Variants in NRAP observed in about 807,000 individuals in gnomAD.
NRAP encodes the protein nebulin related anchoring protein, also known as nebulin-related-anchoring protein.
In NRAP, 189 loss-of-function variants were observed where a neutral mutation model predicts 225.9. The ratio of observed to expected loss-of-function variants is 0.84; its 90% CI spans 0.74 to 0.94. The LOEUF (loss-of-function observed/expected upper bound fraction) is 0.94, where lower values mean the gene tolerates loss of function less well. NRAP is among the 40% of genes least tolerant of loss of function. The pLI is 0.00. For missense variants in NRAP, 2,176 were observed against 2,168.7 expected (o/e 1.00, Z -0.07); for synonymous variants, 769 against 790.7 (o/e 0.97, Z 0.46).
chr10:113,633,732 GTT>G lies in NRAP; in HGVS notation c.1527+378_1527+379del, dbSNP rs201928371. On this transcript the variant is annotated intron_variant, in intron 15 of 41. Transcript: ENST00000359988. ...TGATATGTTAAAATTATATAAACAT[GTT>G]TTTTCTTTTTTACCTTTTAGAGATT... Among the ~76,000 whole-genome samples the G allele has an allele frequency of 5.2e-3, 785 of 152,194 alleles. 7 individuals are homozygous for G. The highest frequency in any genetic ancestry group is 0.017 in the African/African-American group (717 of 41,538).
At position 113,642,959 on chromosome 10, in the gene NRAP, C is replaced by T; in HGVS notation, c.1190G>A (p.Ser397Asn). 6.2e-7 allele frequency: 1 copy of T among 1,603,498 alleles called. No individual in the cohort carries two copies. Among genetic ancestry groups the T allele is most frequent in the Non-Finnish European group, 8.5e-7 (1 of 1,170,280 alleles). The change falls in exon 12 of 42, where the codon AGC (serine) becomes AAC (asparagine). Residue 397 changes from serine to asparagine, a missense_variant. Ser to Asn is a conservative substitution (Grantham distance 46, BLOSUM62 1). Coordinates refer to ENST00000359988, the MANE Select transcript of NRAP (RefSeq NM_198060.4). Reference protein sequence around the residue: ...YCETPQFRNVSKISKFTSDNK... With the variant: ...YCETPQFRNVNKISKFTSDNK... ...ATCACTGGTAAATTTTGAGATCTTG[C>T]TCACGTTCCTGAATTGAGGTGTTTC...
chr10:113,652,595 GAATAAAAATAAAAATAA>G (rs1339424535), intron 6 of NRAP, among the ~76,000 whole-genome samples: 13 of 145,486 alleles, frequency 8.9e-5, no homozygotes, highest in African/African-American at 1.3e-4. Context: ...AGTGAGCCAA[GAATAAAAATAAAAATAA>G]AATAAAAATA....
At chr10:113,607,657 A>C (rs1423021718) in intron 32 of NRAP, among the ~76,000 whole-genome samples, 1 of 152,064 alleles carries the variant, frequency 6.6e-6, no homozygotes, top group Non-Finnish European at 1.5e-5. Flanking sequence ...TTTTCAGTTG[A>C]AGCAAGTAGG....
intron 9 of NRAP, among the ~76,000 whole-genome samples, chr10:113,648,467 C>CTCTCTCTCTCTCTCTATATA (rs749486311): frequency 8.0e-5 from 7 of 87,360 alleles, no homozygotes; most frequent in African/African-American, 2.7e-4. Flanking sequence ...CTCTCTCTCT[C>CTCTCTCTCTCTCTCTATATA]TATATATATA....
intron 35 of NRAP, among the ~76,000 whole-genome samples, chr10:113,599,818 G>T (rs1412868734): frequency 2.0e-5 from 3 of 152,178 alleles, no homozygotes; most frequent in Non-Finnish European, 2.9e-5. Context: ...TTTCAAAGCT[G>T]CACAGCTGAA....
intron 28 of NRAP, 39 bp from the exon 29 acceptor site, chr10:113,614,335 G>T: frequency 7.5e-7 from 1 of 1,338,124 alleles, no homozygotes; most frequent in Non-Finnish European, 1.1e-6. Context: ...ACAGCTCAGG[G>T]ATAAGGGACA....
chr10:113,612,651 T>C (rs551724445), intron 29 of NRAP, among the ~76,000 whole-genome samples: 67 of 152,290 alleles, frequency 4.4e-4, no homozygotes, highest in African/African-American at 1.6e-3. Context: ...TTGATCTGGA[T>C]GAAGAAGGCC....
chr10:113,590,333 G>A (rs894155717), intron 40 of NRAP, among the ~76,000 whole-genome samples: 9 of 152,174 alleles, frequency 5.9e-5, no homozygotes, highest in African/African-American at 2.2e-4. Flanking sequence ...AGCAGCCCTG[G>A]GGTTGGCATA....
At chr10:113,632,059 T>C (rs1848612225) in intron 16 of NRAP, 95 bp from the exon 17 acceptor site, 2 of 767,926 alleles carry the variant, frequency 2.6e-6, no homozygotes, top group Non-Finnish European at 4.7e-6. Flanking sequence ...TTTTCCTCTA[T>C]TTACAGACCA....
chr10:113,640,988 C>T (rs1441162243), intron 13 of NRAP, among the ~76,000 whole-genome samples: 1 of 152,156 alleles, frequency 6.6e-6, no homozygotes, highest in Non-Finnish European at 1.5e-5. Flanking sequence ...AACCAGCTTA[C>T]CAACCAACCA....
intron 13 of NRAP, 90 bp downstream of exon 13, chr10:113,641,275 T>A: frequency 1.3e-6 from 1 of 783,340 alleles, no homozygotes; most frequent in African/African-American, 1.7e-5. Context: ...AAGACAGATT[T>A]TTTTTTAAGG....
intron 13 of NRAP, 57 bp from the exon 14 acceptor site, chr10:113,640,388 T>C (rs1187521272): frequency 1.0e-6 from 1 of 967,686 alleles, no homozygotes; most frequent in East Asian, 2.7e-5. Context: ...TTCTTTTGGC[T>C]TTGTTTGAAT....
Position 113,590,603 on chromosome 10 carries a change from T to G in NRAP, c.4931A>C (p.Gln1644Pro). 2 of 1,612,716 alleles carry G rather than the reference T, an allele frequency of 1.2e-6. No individual in the cohort carries two copies. ...DPEQLGLRHAQKAHQLQSDVK... is the reference protein window; with the variant it reads ...DPEQLGLRHAPKAHQLQSDVK... ...ATCACTCTGCAGCTGGTGGGCCTTC[T>G]GAGCATGCCTGAGGCCCAGCTGCTC... The change falls in exon 40 of 42, where the codon CAG (glutamine) becomes CCG (proline). Residue 1644 changes from glutamine to proline, a missense_variant. Physicochemically the swap from Gln to Pro is moderately conservative, Grantham distance 76. This residue lies in a region of NRAP where 445 missense variants were observed against 426.1 expected (regional missense o/e 1.04). Coordinates refer to ENST00000359988, the MANE Select transcript of NRAP (RefSeq NM_198060.4).
chr10:113,654,600 G>A (rs1221135933), intron 4 of NRAP, among the ~76,000 whole-genome samples: 1 of 151,154 alleles, frequency 6.6e-6, no homozygotes, highest in Admixed American at 6.6e-5. Flanking sequence ...GAAATAAATA[G>A]CAATTAGAAA....
In NRAP at chr10:113,623,635, T is replaced by G; in HGVS notation, c.2351A>C (p.Lys784Thr). 6.2e-7 allele frequency: 1 copy of G among 1,609,288 alleles called. No individual in the cohort carries two copies. The highest frequency in any genetic ancestry group is 8.5e-7 in the Non-Finnish European group (1 of 1,175,760). Reference protein sequence around the residue: ...ARANAANLSEKLYKSSWENQK... With the variant: ...ARANAANLSETLYKSSWENQK... The stretch of plus-strand genomic sequence containing the variant: ...GTTTTCCCAGCTGCTCTTATACAGT[T>G]TCTAAGGGGATTTAGGAGAGAAGGT... The change falls in exon 23 of 42, where the codon AAA becomes ACA. Residue 784 changes from lysine to threonine, a missense_variant and splice_region_variant. Lys to Thr is a moderately conservative substitution (Grantham distance 78). Around this residue, in one of 3 missense-constraint regions of NRAP, gnomAD observed 1,708 missense variants for 1,695.5 expected, o/e 1.01. Coordinates refer to ENST00000359988, the MANE Select transcript of NRAP (RefSeq NM_198060.4).
chr10:113,598,092 T>G lies in NRAP; in HGVS notation c.4228-19A>C, dbSNP rs1216377251. The G allele has an allele frequency of 6.5e-7, 1 of 1,530,292 alleles. No homozygotes were observed. The highest frequency in any genetic ancestry group is 9.1e-7 in the Non-Finnish European group (1 of 1,103,634). The allele number at this position is 1,530,292 out of a possible 1,614,324, so 94.8% of individuals were successfully genotyped here. A position where few individuals can be genotyped will look rare whatever the true frequency, so the allele number is the denominator to read the frequency against. On this transcript the variant is annotated intron_variant, in intron 35 of 41. Coordinates refer to ENST00000359988, the MANE Select transcript of NRAP (RefSeq NM_198060.4). The stretch of plus-strand genomic sequence containing the variant: ...AGCGCAACTGCAGGGAAAAAAATCA[T>G]GGGCTTTATCAGGAGAGTGCTTAAG...
rs1159617302 is a variant in NRAP, at chr10:113,615,784, CT to C, written c.3005del (p.Lys1002SerfsTer18). ...GGTCAGCAGTCGGTGTGTAATGATGCTTTATGTTTTCTCCTTGTTCCCTGTA... is the reference window on the plus strand; with the variant it reads ...GGTCAGCAGTCGGTGTGTAATGATGCTTATGTTTTCTCCTTGTTCCCTGTA... ...RLYREQGENIKHHYTPTADLP... is the reference protein window; with the variant it reads ...RLYREQGENIXHHYTPTADLP... On this transcript the variant is annotated frameshift_variant, in exon 27 of 42. Coordinates refer to ENST00000359988, the MANE Select transcript of NRAP (RefSeq NM_198060.4). LOFTEE classifies it high-confidence loss of function. The C allele has an allele frequency of 3.7e-6, 6 of 1,608,674 alleles. No individual in the cohort carries two copies. The highest frequency in any genetic ancestry group is 5.1e-6 in the Non-Finnish European group (6 of 1,175,088).
chr10:113,660,104 CA>C (rs1850572365), intron 3 of NRAP, among the ~76,000 whole-genome samples: 1 of 82,384 alleles, frequency 1.2e-5, no homozygotes, highest in Non-Finnish European at 3.2e-5. Flanking sequence ...CACATATATA[CA>C]TACATACATA....
At position 113,615,810 on chromosome 10, in the gene NRAP, A is replaced by G. The variant is rs527519912; in HGVS notation, c.2980T>C (p.Tyr994His). The G allele has an allele frequency of 3.8e-6, 6 of 1,577,264 alleles. No individual in the cohort carries two copies. The highest frequency in any genetic ancestry group is 2.2e-5 in the East Asian group (1 of 44,646). ...ISYTQAVDRL[Y>H]REQGENIKHH... ...TTTATGTTTTCTCCTTGTTCCCTGT[A>G]TAATCTCTGTGGATGGAAGGAGGTT... Residue 994 changes from tyrosine to histidine, a missense_variant, in exon 27 of 42, where the codon TAC becomes CAC. Coordinates refer to ENST00000359988, the MANE Select transcript of NRAP (RefSeq NM_198060.4).
Sources: allele counts gnomAD v4.1 joint callset (sites outside exome capture counted in the v4.1 genomes callset), GRCh38; gene constraint gnomAD v4.1.1; regional missense constraint gnomAD v4.1.1; transcripts MANE v1.5; gene names NCBI Gene and HGNC (gene_info 2026-07-23, HGNC 2026-07-21).